The following DCAKD variants were observed in gnomAD, a reference collection of about 807,000 sequenced individuals.
The protein encoded by DCAKD is dephospho-CoA kinase domain-containing protein.
Under a neutral mutation model 18.7 loss-of-function variants are expected in DCAKD, and 15 were observed. The observed-to-expected ratio is 0.80, with a 90% CI of 0.54 to 1.24. DCAKD has a LOEUF of 1.24. Among genes scored for constraint, DCAKD ranks in the 50% most tolerant of loss-of-function variants. The pLI, the probability that DCAKD is intolerant of heterozygous loss-of-function variation, is 0.00. For missense variants in DCAKD, 301 were observed against 322.0 expected, an observed-to-expected ratio of 0.93 and a Z score of 0.50; for synonymous variants, 130 against 133.0, an observed-to-expected ratio of 0.98 and a Z score of 0.16.
At chr17:45,044,876 T>C (rs2053530654) in intron 1 of DCAKD, among the ~76,000 whole-genome samples, 2 of 152,158 alleles carry the variant, frequency 1.3e-5, no homozygotes, top group African/African-American at 4.8e-5. Flanking sequence ...TAGGGGAACT[T>C]CCTTACAGAG....
At chr17:45,041,041 C>G (rs2053421759) in intron 1 of DCAKD, among the ~76,000 whole-genome samples, 1 of 152,128 alleles carries the variant, frequency 6.6e-6, no homozygotes, top group South Asian at 2.1e-4. Flanking sequence ...CTCTGTTAGC[C>G]TAAGCCACCA....
chr17:45,037,441 A>C (rs1287320014), intron 1 of DCAKD, among the ~76,000 whole-genome samples: 2 of 152,150 alleles, frequency 1.3e-5, no homozygotes, highest in Non-Finnish European at 1.5e-5. Context: ...TGAAGCTTTG[A>C]AATAGAAAAT....
intron 1 of DCAKD, among the ~76,000 whole-genome samples, chr17:45,039,536 G>A (rs1280610390): frequency 6.6e-6 from 1 of 152,210 alleles, no homozygotes; most frequent in Admixed American, 6.5e-5. Flanking sequence ...TGGACTGGAA[G>A]TGGAAAGTCC....
At chr17:45,060,531 G>GA (rs1555603563) in intron 1 of DCAKD, among the ~76,000 whole-genome samples, 7 of 151,948 alleles carry the variant, frequency 4.6e-5, no homozygotes, top group Non-Finnish European at 7.4e-5. Flanking sequence ...AAGAAAGAAA[G>GA]AAAGAAAAGA....
upstream of DCAKD, among the ~76,000 whole-genome samples, chr17:45,052,328 C>G (rs918266494): frequency 5.3e-5 from 8 of 152,210 alleles, no homozygotes; most frequent in African/African-American, 1.9e-4. Flanking sequence ...CACTTTCCAC[C>G]TGCCAGGTCC....
chr17:45,053,173 A>T (rs1450142125), upstream of DCAKD, among the ~76,000 whole-genome samples: 2 of 105,706 alleles, frequency 1.9e-5, no homozygotes, highest in African/African-American at 3.0e-5. Context: ...TCCAGTTAAA[A>T]AAAAAAAAAA....
chr17:45,053,199 A>G (rs2143403780), upstream of DCAKD, among the ~76,000 whole-genome samples: 1 of 137,272 alleles, frequency 7.3e-6, no homozygotes, highest in Admixed American at 7.4e-5. Context: ...AAAAAAAACT[A>G]GTTATCTAGT....
intron 1 of DCAKD, among the ~76,000 whole-genome samples, chr17:45,047,996 T>A (rs1017662456): frequency 6.6e-6 from 1 of 152,172 alleles, no homozygotes; most frequent in Non-Finnish European, 1.5e-5. Flanking sequence ...AAAAGAAACA[T>A]TTAATACTCA....
At chr17:45,031,966 G>A (rs2086894319) in intron 3 of DCAKD, 2 of 985,304 alleles carry the variant, frequency 2.0e-6, no homozygotes, top group African/African-American at 1.7e-5. Context: ...GCTCAAAAGG[G>A]CTCTCTGGCT....
intron 4 of DCAKD, among the ~76,000 whole-genome samples, chr17:45,025,584 C>T (rs1337026570): frequency 6.6e-6 from 1 of 152,066 alleles, no homozygotes; most frequent in African/African-American, 2.4e-5. Context: ...CTCTAACACC[C>T]CTCTAGCTCT....
At chr17:45,040,691 T>G (rs931989346) in intron 1 of DCAKD, among the ~76,000 whole-genome samples, 1 of 152,110 alleles carries the variant, frequency 6.6e-6, no homozygotes, top group Non-Finnish European at 1.5e-5. Context: ...TCATTCTCCA[T>G]GTCAGTGAAA....
At chr17:45,026,050 C>G (rs1646270605) in intron 4 of DCAKD, among the ~76,000 whole-genome samples, 1 of 151,928 alleles carries the variant, frequency 6.6e-6, no homozygotes, top group Non-Finnish European at 1.5e-5. Context: ...TCCCAAGTAG[C>G]TGGGATTACA....
intron 1 of DCAKD, among the ~76,000 whole-genome samples, chr17:45,035,887 T>C (rs2053285454): frequency 1.3e-5 from 2 of 152,068 alleles, no homozygotes; most frequent in Admixed American, 6.6e-5. Flanking sequence ...GGGTAGCTGA[T>C]ATAGATGGAG....
At chr17:45,053,672 G>T (rs978529898), upstream of DCAKD, among the ~76,000 whole-genome samples, 1 of 152,104 alleles carries the variant, frequency 6.6e-6, no homozygotes, top group Non-Finnish European at 1.5e-5. Flanking sequence ...CACCCACCTC[G>T]GCCTCCCAAA....
chr17:45,030,105 C>G lies in DCAKD; in HGVS notation c.391G>C (p.Val131Leu). 1 of 1,613,906 alleles carries G rather than the reference C, an allele frequency of 6.2e-7. No individual in the cohort carries two copies. Among genetic ancestry groups the G allele is most frequent in the African/African-American group, 1.3e-5 (1 of 75,040 alleles). The stretch of plus-strand genomic sequence containing the variant: ...CTACACACTCACCAGTATACTACCA[C>G]GGTGTGCTTCATGTACTTGAGCAAC... ...KKLLKYMKHTVVVYCDRDTQL... is the reference protein window; with the variant it reads ...KKLLKYMKHTLVVYCDRDTQL... The change falls in exon 4 of 5, where the codon GTG (valine) becomes CTG (leucine). Residue 131 changes from valine to leucine, a missense_variant. Coordinates refer to ENST00000651974, the MANE Select transcript of DCAKD (RefSeq NM_001288655.2).
upstream of DCAKD, among the ~76,000 whole-genome samples, chr17:45,053,549 G>A (rs897883589): frequency 6.6e-6 from 1 of 152,150 alleles, no homozygotes; most frequent in Non-Finnish European, 1.5e-5. Context: ...AGCCTCCCAA[G>A]TAGCTAGGAT....
At chr17:45,056,335 C>T (rs998396100), upstream of DCAKD, among the ~76,000 whole-genome samples, 1 of 152,044 alleles carries the variant, frequency 6.6e-6, no homozygotes, top group Non-Finnish European at 1.5e-5. Flanking sequence ...TTTTAGGGCT[C>T]TCTATGTAAG....
In DCAKD at chr17:45,023,901, G is replaced by A. The variant is rs1205817960; in HGVS notation, c.*532C>T. The stretch of plus-strand genomic sequence containing the variant: ...GCAGCAAGCCATACTGGGGGGCCTG[G>A]GCCTTCAGTATAAAAAATATCTCAA... On this transcript the variant is annotated 3_prime_UTR_variant, in exon 5 of 5. Transcript: ENST00000651974. 1 of 152,860 alleles carries A rather than the reference G, an allele frequency of 6.5e-6. No homozygotes were observed. The highest frequency in any genetic ancestry group is 6.5e-5 in the Admixed American group (1 of 15,432). The allele number at this position is 152,860 out of a possible 1,614,324, so 9.5% of individuals were successfully genotyped here.
intron 4 of DCAKD, among the ~76,000 whole-genome samples, chr17:45,025,006 GCT>G (rs1171578040): frequency 1.1e-4 from 14 of 123,634 alleles, no homozygotes; most frequent in African/African-American, 3.9e-4. Context: ...TTTGGCCACA[GCT>G]CTTTTTTTTT....
Sources: gnomAD v4.1 joint callset for allele counts (sites outside exome capture counted in the v4.1 genomes callset) on GRCh38, gnomAD v4.1.1 for gene constraint, MANE v1.5 for transcripts, NCBI Gene and HGNC (gene_info 2026-07-23, HGNC 2026-07-21) for gene names.